The following TNRC18 variants were observed in gnomAD, a reference collection of about 807,000 sequenced individuals.
TNRC18 encodes the protein trinucleotide repeat containing 18, also known as trinucleotide repeat-containing gene 18 protein.
In TNRC18, 69 loss-of-function variants were observed where a neutral mutation model predicts 226.7. That is an observed-to-expected ratio of 0.30 (90% CI 0.25 to 0.37). The LOEUF is 0.37. Among genes scored for constraint, TNRC18 ranks in the 10% least tolerant of loss-of-function variants. The pLI is 1.00. For missense variants in TNRC18, 4,754 were observed against 4,256.6 expected (o/e 1.12, Z -3.25); for synonymous variants, 2,449 against 1,927.6 (o/e 1.27, Z -7.09).
intron 10 of TNRC18, 137 bp from the exon 11 acceptor site, chr7:5,371,501 T>G: frequency 8.6e-7 from 1 of 1,168,222 alleles, no homozygotes; most frequent in Middle Eastern, 3.0e-4. Context: ...GTGGGAGCTG[T>G]TCTAGGTGGG....
intron 19 of TNRC18, among the ~76,000 whole-genome samples, chr7:5,327,257 T>G (rs1296359017): frequency 6.6e-6 from 1 of 151,910 alleles, no homozygotes; most frequent in Non-Finnish European, 1.5e-5. Context: ...ATATCCAAAA[T>G]GAAAGTCAAA....
intron 5 of TNRC18, among the ~76,000 whole-genome samples, chr7:5,381,400 A>G (rs961451775): frequency 6.6e-6 from 1 of 151,876 alleles, no homozygotes; most frequent in African/African-American, 2.4e-5. Flanking sequence ...CCTCTGGGCC[A>G]CACACACACC....
At chr7:5,374,708 G>A (rs1208919046) in intron 9 of TNRC18, among the ~76,000 whole-genome samples, 1 of 152,228 alleles carries the variant, frequency 6.6e-6, no homozygotes, top group Non-Finnish European at 1.5e-5. Flanking sequence ...GCAGCGCTGG[G>A]GGTGAGGAGC....
At chr7:5,327,866 C>A (rs1789095933) in intron 19 of TNRC18, among the ~76,000 whole-genome samples, 1 of 152,204 alleles carries the variant, frequency 6.6e-6, no homozygotes, top group Non-Finnish European at 1.5e-5. Context: ...ACCCAAACCA[C>A]CAACCGCCAG....
At chr7:5,420,290 T>A (rs1158411489) in intron 2 of TNRC18, 1 of 430,344 alleles carries the variant, frequency 2.3e-6, no homozygotes, top group Non-Finnish European at 4.6e-6. Flanking sequence ...GGTTTTCCCC[T>A]CCGCCGCCTG....
In TNRC18 at chr7:5,420,807, C is replaced by T. The variant is rs888868288; in HGVS notation, c.187+253G>A. The stretch of plus-strand genomic sequence containing the variant: ...GGGATTGGAATCGCCCCCGGTGGCT[C>T]GGGCTACCACACCGGCTTTCGGCTC... On this transcript the variant is annotated intron_variant, in intron 2 of 29. Transcript: ENST00000430969. 5.9e-6 allele frequency: 4 copies of T among 682,646 alleles called. No individual in the cohort carries two copies. The Admixed American group carries it at 8.2e-5, about 14-fold the overall frequency. The allele number at this position is 682,646 out of a possible 1,614,324, so 42.3% of individuals were successfully genotyped here.
chr7:5,415,107 TG>T (rs1370219344), intron 2 of TNRC18, among the ~76,000 whole-genome samples: 2 of 152,182 alleles, frequency 1.3e-5, no homozygotes, highest in Non-Finnish European at 2.9e-5. Context: ...CAAGACCTCA[TG>T]ACTGGCTTTC....
At chr7:5,315,876 C>G in intron 25 of TNRC18, 80 bp downstream of exon 25, 1 of 1,093,814 alleles carries the variant, frequency 9.1e-7, no homozygotes, top group Middle Eastern at 2.5e-4. Flanking sequence ...TCAGACAGAG[C>G]TCAGAGCCGG....
At chr7:5,310,808 TGGG>T (rs993111940) in intron 27 of TNRC18, among the ~76,000 whole-genome samples, 1 of 152,236 alleles carries the variant, frequency 6.6e-6, no homozygotes, top group Admixed American at 6.5e-5. Flanking sequence ...TACAGCACGT[TGGG>T]GGCTCCCTGC....
intron 24 of TNRC18, among the ~76,000 whole-genome samples, chr7:5,318,617 C>T (rs895782799): frequency 3.9e-5 from 6 of 152,074 alleles, no homozygotes; most frequent in Non-Finnish European, 5.9e-5. Flanking sequence ...CACACACACA[C>T]ACACGGAATT....
chr7:5,380,025 C>T (rs1779289778), intron 5 of TNRC18, among the ~76,000 whole-genome samples: 1 of 152,192 alleles, frequency 6.6e-6, no homozygotes, highest in South Asian at 2.1e-4. Context: ...AGGTCCCCAC[C>T]CAGCTGTCCT....
chr7:5,321,948 G>A (rs953550003), intron 21 of TNRC18, among the ~76,000 whole-genome samples: 11 of 151,860 alleles, frequency 7.2e-5, no homozygotes, highest in East Asian at 2.0e-4. Context: ...TGGGATTACC[G>A]GTGTGAGCCA....
intron 2 of TNRC18, among the ~76,000 whole-genome samples, chr7:5,406,410 C>T (rs1414395547): frequency 6.6e-6 from 1 of 152,024 alleles, no homozygotes; most frequent in Admixed American, 6.6e-5. Flanking sequence ...TGCAGTGAGC[C>T]GAGATTGCGC....
chr7:5,357,580 C>A (rs1403063358), intron 15 of TNRC18, among the ~76,000 whole-genome samples: 3 of 152,148 alleles, frequency 2.0e-5, no homozygotes. Context: ...GACCTCTGGG[C>A]TCTGTGACCC....
intron 18 of TNRC18, among the ~76,000 whole-genome samples, chr7:5,336,438 T>G (rs1790125895): frequency 6.6e-6 from 1 of 151,664 alleles, no homozygotes; most frequent in Non-Finnish European, 1.5e-5. Flanking sequence ...AAGAACCAAA[T>G]GAACCAATTG....
intron 18 of TNRC18, among the ~76,000 whole-genome samples, chr7:5,339,038 C>G (rs1010426578): frequency 6.6e-6 from 1 of 151,772 alleles, no homozygotes; most frequent in Admixed American, 6.6e-5. Context: ...TGGCTCACAC[C>G]TGTAGTCCCA....
chr7:5,389,082 C>A lies in TNRC18; in HGVS notation c.742G>T (p.Glu248Ter), dbSNP rs1466874081. 1 of 1,279,812 alleles carries A rather than the reference C, an allele frequency of 7.8e-7. No individual in the cohort carries two copies. Among genetic ancestry groups the A allele is most frequent in the Non-Finnish European group, 9.9e-7 (1 of 1,006,568 alleles). 79.3% of individuals were successfully genotyped at this position (1,279,812 alleles called of 1,614,324 possible). ...GGGGGCCCCCGGTCCTGGCGGCCCT[C>A]GGCGCGCGCCTCCTGGGTCAGGTCC... ...VVDLTQEARA[E>*]GRQDRGPPRL... The change falls in exon 5 of 30, where the codon GAG becomes TAG. Residue 248 changes from glutamate (E) to a stop codon, truncating the protein, a stop_gained. Coordinates refer to ENST00000430969, the MANE Select transcript of TNRC18 (RefSeq NM_001080495.3). LOFTEE classifies it high-confidence loss of function.
chr7:5,373,172 T>C (rs1369041998), intron 10 of TNRC18, among the ~76,000 whole-genome samples: 3 of 151,898 alleles, frequency 2.0e-5, no homozygotes, highest in South Asian at 4.2e-4. Context: ...AATAAATAAA[T>C]AAATAGCCAA....
At chr7:5,420,606 G>C (rs1478896614) in intron 2 of TNRC18, 1 of 456,394 alleles carries the variant, frequency 2.2e-6, no homozygotes, top group Non-Finnish European at 4.4e-6. Flanking sequence ...GGCTCGGCGC[G>C]AGTGGTGGAG....
Sources: allele counts gnomAD v4.1 joint callset (sites outside exome capture counted in the v4.1 genomes callset), GRCh38; gene constraint gnomAD v4.1.1; transcripts MANE v1.5; gene names NCBI Gene and HGNC (gene_info 2026-07-23, HGNC 2026-07-21).